The following LDB2 variants were observed in gnomAD, a reference collection of about 807,000 sequenced individuals.
The protein encoded by LDB2 is LIM domain binding 2.
In LDB2, 12 loss-of-function variants were observed where a neutral mutation model predicts 44.3. The ratio of observed to expected loss-of-function variants is 0.27; its 90% CI spans 0.17 to 0.44. LDB2 has a LOEUF of 0.44. Ranked by LOEUF, LDB2 falls within the 20% of genes least tolerant of loss-of-function variation. The pLI, the probability that LDB2 is intolerant of heterozygous loss-of-function variation, is 1.00. For synonymous variants in LDB2, 164 were observed against 174.8 expected (o/e 0.94, Z 0.49); for missense variants, 344 against 473.5 (o/e 0.73, Z 2.54).
intron 1 of LDB2, among the ~76,000 whole-genome samples, chr4:16,792,843 TA>T (rs1017966090): frequency 3.9e-5 from 6 of 152,220 alleles, no homozygotes; most frequent in Admixed American, 3.9e-4. Context: ...ATACATTTTA[TA>T]AAGGCACTTT....
chr4:16,591,294 G>A (rs142677782), intron 3 of LDB2, among the ~76,000 whole-genome samples: 355 of 152,306 alleles, frequency 2.3e-3, no homozygotes, highest in African/African-American at 8.0e-3. Context: ...CTCAGTTGGA[G>A]CATCTGTAAG....
intron 5 of LDB2, among the ~76,000 whole-genome samples, chr4:16,566,027 A>G (rs893373628): frequency 1.3e-5 from 2 of 152,032 alleles, no homozygotes; most frequent in Admixed American, 1.3e-4. Context: ...AGACACAAGA[A>G]AGATCTCAAA....
intron 2 of LDB2, among the ~76,000 whole-genome samples, chr4:16,682,714 G>T (rs1008909313): frequency 1.3e-5 from 2 of 152,182 alleles, no homozygotes; most frequent in African/African-American, 4.8e-5. Context: ...TTACCCCAGT[G>T]CAGCTTTGCC....
intron 1 of LDB2, among the ~76,000 whole-genome samples, chr4:16,798,123 A>G (rs1428658234): frequency 6.6e-6 from 1 of 152,014 alleles, no homozygotes; most frequent in East Asian, 1.9e-4. Context: ...AATGGGATTA[A>G]TGATGCCACT....
At chr4:16,612,192 A>G (rs1274663708) in intron 2 of LDB2, among the ~76,000 whole-genome samples, 1 of 152,206 alleles carries the variant, frequency 6.6e-6, no homozygotes, top group African/African-American at 2.4e-5. Flanking sequence ...ATGTACCAGA[A>G]TCTCTGGGAC....
intron 5 of LDB2, among the ~76,000 whole-genome samples, chr4:16,551,446 C>T (rs1418977298): frequency 4.6e-5 from 7 of 152,100 alleles, no homozygotes; most frequent in Non-Finnish European, 7.3e-5. Flanking sequence ...CCAAATGGAC[C>T]AACTCCATGA....
At chr4:16,742,151 A>G (rs1189633241) in intron 2 of LDB2, among the ~76,000 whole-genome samples, 2 of 142,650 alleles carry the variant, frequency 1.4e-5, no homozygotes, top group Non-Finnish European at 3.0e-5. Flanking sequence ...GGCTCACTGC[A>G]ATCTCCGCCT....
intron 2 of LDB2, among the ~76,000 whole-genome samples, chr4:16,609,852 G>A (rs1397649164): frequency 6.6e-6 from 1 of 152,096 alleles, no homozygotes; most frequent in African/African-American, 2.4e-5. Context: ...CCCCACCAAG[G>A]GACAAAGCAC....
intron 3 of LDB2, among the ~76,000 whole-genome samples, chr4:16,590,606 G>C (rs1049603038): frequency 1.3e-5 from 2 of 152,198 alleles, no homozygotes; most frequent in African/African-American, 4.8e-5. Flanking sequence ...TTACTAACAA[G>C]TGTTGATGGG....
chr4:16,819,368 T>A (rs1242251061), intron 1 of LDB2, among the ~76,000 whole-genome samples: 1 of 151,844 alleles, frequency 6.6e-6, no homozygotes, highest in African/African-American at 2.4e-5. Flanking sequence ...TCAGTTCATA[T>A]TTTATTATTC....
intron 5 of LDB2, among the ~76,000 whole-genome samples, chr4:16,556,179 T>C (rs748799781): frequency 1.3e-5 from 2 of 152,238 alleles, no homozygotes; most frequent in African/African-American, 2.4e-5. Context: ...AATTTGAAAT[T>C]ATAAACATAT....
chr4:16,553,766 GC>G (rs1260251618), intron 5 of LDB2, among the ~76,000 whole-genome samples: 1 of 152,120 alleles, frequency 6.6e-6, no homozygotes. Context: ...TTTGTTCTAA[GC>G]CCTTTGTGTG....
intron 2 of LDB2, among the ~76,000 whole-genome samples, chr4:16,678,437 C>G (rs1746896195): frequency 6.6e-6 from 1 of 152,054 alleles, no homozygotes; most frequent in Non-Finnish European, 1.5e-5. Flanking sequence ...ATGTGTGTCC[C>G]AATCATGGGA....
intron 5 of LDB2, among the ~76,000 whole-genome samples, chr4:16,514,771 C>A (rs1211171854): frequency 6.6e-6 from 1 of 152,176 alleles, no homozygotes; most frequent in East Asian, 1.9e-4. Flanking sequence ...AATGCTGGAT[C>A]TTCAATCTTG....
chr4:16,505,252 T>G (rs1298497554), intron 7 of LDB2, among the ~76,000 whole-genome samples: 1 of 152,128 alleles, frequency 6.6e-6, no homozygotes, highest in East Asian at 1.9e-4. Context: ...TAGGCATAGG[T>G]GTTTTTAAAT....
At chr4:16,711,775 A>G (rs995314375) in intron 2 of LDB2, among the ~76,000 whole-genome samples, 6 of 152,236 alleles carry the variant, frequency 3.9e-5, no homozygotes, top group Non-Finnish European at 7.3e-5. Flanking sequence ...CAAAGTACAG[A>G]AACAAACCCT....
chr4:16,646,114 A>T (rs554693782), intron 2 of LDB2, among the ~76,000 whole-genome samples: 1 of 152,370 alleles, frequency 6.6e-6, no homozygotes, highest in Non-Finnish European at 1.5e-5. Context: ...TTGAAATGAA[A>T]TGTGTAAAAT....
intron 1 of LDB2, among the ~76,000 whole-genome samples, chr4:16,897,635 T>C (rs1725424939): frequency 6.6e-6 from 1 of 151,896 alleles, no homozygotes; most frequent in Non-Finnish European, 1.5e-5. Flanking sequence ...AGAGCTGACT[T>C]GAAAGCTGAA....
chr4:16,587,231 A>G (rs1240336737), intron 4 of LDB2, among the ~76,000 whole-genome samples: 3 of 152,208 alleles, frequency 2.0e-5, no homozygotes, highest in Admixed American at 6.5e-5. Context: ...ATGAGAGCCA[A>G]TCGCCAAAAC....
Sources: allele counts gnomAD v4.1 joint callset (sites outside exome capture counted in the v4.1 genomes callset), GRCh38; gene constraint gnomAD v4.1.1; transcripts MANE v1.5; gene names NCBI Gene and HGNC (gene_info 2026-07-23, HGNC 2026-07-21).